EIF4ENIF1: variants seen among roughly 807,000 people sequenced by gnomAD.
The protein encoded by EIF4ENIF1 is eukaryotic translation initiation factor 4E nuclear import factor 1.
Under a neutral mutation model 110.5 loss-of-function variants are expected in EIF4ENIF1, and 23 were observed. The ratio of observed to expected loss-of-function variants is 0.21; its 90% CI spans 0.15 to 0.29. The LOEUF (loss-of-function observed/expected upper bound fraction) is 0.29, where lower values mean the gene tolerates loss of function less well. EIF4ENIF1 is among the 10% of genes least tolerant of loss of function. EIF4ENIF1 has a pLI of 1.00. For synonymous variants in EIF4ENIF1, 440 were observed against 437.0 expected, an observed-to-expected ratio of 1.01 and a Z score of -0.09; for missense variants, 1,031 against 1,221.1, an observed-to-expected ratio of 0.84 and a Z score of 2.32.
chr22:31,440,152 G>T, intron 18 of EIF4ENIF1, 31 bp from the exon 19 acceptor site: 1 of 1,613,924 alleles, frequency 6.2e-7, no homozygotes. Flanking sequence ...ATCATTCACA[G>T]CATGAGAAGG....
rs563088892 is a variant in EIF4ENIF1, at chr22:31,459,383, A to G, written c.788-733T>C. On this transcript the variant is annotated intron_variant, in intron 6 of 18. Transcript: ENST00000330125. ...CAGGGCTCAGCAACCTAAGGTATTTATGAGAAACCTGGCATGAGGGCAATT... is the reference window on the plus strand; with the variant it reads ...CAGGGCTCAGCAACCTAAGGTATTTGTGAGAAACCTGGCATGAGGGCAATT... 1.3e-4 allele frequency among the ~76,000 whole-genome samples: 20 copies of G among 152,298 alleles called. No homozygotes were observed. The South Asian group carries it at 3.9e-3, about 30-fold the overall frequency.
At chr22:31,485,439 A>ACCTATATAT (rs2051981744) in intron 2 of EIF4ENIF1, among the ~76,000 whole-genome samples, 1 of 152,206 alleles carries the variant, frequency 6.6e-6, no homozygotes, top group Non-Finnish European at 1.5e-5. Context: ...ACAAAGATGA[A>ACCTATATAT]ATATACATGT....
At chr22:31,461,426 C>G (rs2050990244) in intron 6 of EIF4ENIF1, among the ~76,000 whole-genome samples, 2 of 152,084 alleles carry the variant, frequency 1.3e-5, no homozygotes, top group South Asian at 4.2e-4. Flanking sequence ...CATCTTACAG[C>G]TGAGGAAACT....
chr22:31,464,719 TATATATA>T lies in EIF4ENIF1; in HGVS notation c.299-759_299-753del, dbSNP rs1569088903. ...AAAAAAATATATATATATATATATA[TATATATA>T]AACAGATATATACAAAAATTAATTC... On this transcript the variant is annotated intron_variant, in intron 4 of 18. Transcript: ENST00000330125. 1.6e-4 allele frequency among the ~76,000 whole-genome samples: 15 copies of T among 96,762 alleles called. 1 individual carries two copies. Among genetic ancestry groups the T allele is most frequent in the Middle Eastern group, 0.012 (2 of 166 alleles). The allele number at this position is 96,762 out of a possible 152,430, so 63.5% of individuals were successfully genotyped here.
Position 31,442,059 on chromosome 22 carries a change from T to C in EIF4ENIF1, c.2266A>G (p.Asn756Asp), listed in dbSNP as rs775203455. 1.6e-5 allele frequency: 26 copies of C among 1,614,148 alleles called. No individual in the cohort carries two copies. Among genetic ancestry groups the C allele is most frequent in the Non-Finnish European group, 2.1e-5 (25 of 1,180,042 alleles). Reference protein sequence around the residue: ...SADRDSSPTTNSKLSALQRSS... With the variant: ...SADRDSSPTTDSKLSALQRSS... ...CTCTGTAATGCTGACAGTTTGGAAT[T>C]TGTAGTGGGAGAAGAGTCTCGATCG... Residue 756 changes from asparagine to aspartate, a missense_variant, in exon 17 of 19, where the codon AAT (asparagine) becomes GAT (aspartate). Around this residue, in one of 3 missense-constraint regions of EIF4ENIF1, gnomAD observed 309 missense variants for 299.1 expected, o/e 1.03. Transcript: ENST00000330125.
In EIF4ENIF1 at chr22:31,463,808, C is replaced by A; in HGVS notation, c.458G>T (p.Arg153Leu). 1 of 1,614,074 alleles carries A rather than the reference C, an allele frequency of 6.2e-7. No homozygotes were observed. Among genetic ancestry groups the A allele is most frequent in the Non-Finnish European group, 8.5e-7 (1 of 1,180,024 alleles). Residue 153 changes from arginine (R) to leucine (L), a missense_variant, in exon 5 of 19, where the codon CGT becomes CTT. Arg to Leu is a moderately radical substitution (Grantham distance 102). Transcript: ENST00000330125. ...DSDGLRLLGG[R>L]RIGSGRIISA... ...GATTATCCTCCCACTGCCAATCCTA[C>A]GTCCACCAAGCAGACGAAGCCCATC...
upstream of EIF4ENIF1, among the ~76,000 whole-genome samples, chr22:31,490,112 C>T (rs576848886): frequency 5.3e-5 from 8 of 152,306 alleles, no homozygotes; most frequent in African/African-American, 1.9e-4. Context: ...CCGTGGGCAG[C>T]CCAGAGGCCA....
Position 31,447,097 on chromosome 22 carries a change from T to G in EIF4ENIF1, c.1988+329A>C, listed in dbSNP as rs1372293326. ...AGAAACATCCTAAGATTTTAAAATA[T>G]ATTTACTCATAACAATCTTGTGAGG... On this transcript the variant is annotated intron_variant, in intron 14 of 18. Transcript: ENST00000330125. The G allele has an allele frequency of 6.7e-5, 28 of 415,452 alleles. 1 individual carries two copies. The highest frequency in any genetic ancestry group is 3.4e-4 in the South Asian group (18 of 52,714). The allele number at this position is 415,452 out of a possible 1,614,324, so 25.7% of individuals were successfully genotyped here. A position where few individuals can be genotyped will look rare whatever the true frequency, so the allele number is the denominator to read the frequency against.
chr22:31,464,263 G>C, intron 4 of EIF4ENIF1: 1 of 302,800 alleles, frequency 3.3e-6, no homozygotes, highest in Non-Finnish European at 6.0e-6. Flanking sequence ...ATTAGCAAAT[G>C]TTTTGTCAAC....
At chr22:31,438,791 C>G (rs2050211491), downstream of EIF4ENIF1, among the ~76,000 whole-genome samples, 1 of 151,882 alleles carries the variant, frequency 6.6e-6, no homozygotes, top group Non-Finnish European at 1.5e-5. Context: ...GGCGTGATCT[C>G]AGCTCACTGC....
chr22:31,492,577 G>A (rs951458331), upstream of EIF4ENIF1, among the ~76,000 whole-genome samples: 1 of 152,150 alleles, frequency 6.6e-6, no homozygotes, highest in Non-Finnish European at 1.5e-5. Flanking sequence ...TATAGAAGAA[G>A]ATGGTTATTA....
At chr22:31,444,559 A>G (rs771973840) in intron 15 of EIF4ENIF1, 47 bp downstream of exon 15, 1 of 1,582,390 alleles carries the variant, frequency 6.3e-7, no homozygotes, top group Non-Finnish European at 8.7e-7. Context: ...GCACAACCAA[A>G]CAGGGAGAAG....
At chr22:31,468,814 C>T (rs2051274976) in intron 3 of EIF4ENIF1, among the ~76,000 whole-genome samples, 1 of 152,210 alleles carries the variant, frequency 6.6e-6, no homozygotes, top group Non-Finnish European at 1.5e-5. Flanking sequence ...ACAACACCAA[C>T]AGTCACTTGA....
At chr22:31,464,439 G>A (rs899613319) in intron 4 of EIF4ENIF1, among the ~76,000 whole-genome samples, 2 of 151,558 alleles carry the variant, frequency 1.3e-5, no homozygotes, top group African/African-American at 4.8e-5. Context: ...CAGTACTTTG[G>A]GACGTCAAGG....
intron 6 of EIF4ENIF1, among the ~76,000 whole-genome samples, chr22:31,461,029 T>C (rs530744231): frequency 6.6e-6 from 1 of 152,324 alleles, no homozygotes; most frequent in South Asian, 2.1e-4. Flanking sequence ...CAACTAAGCC[T>C]GAAAGCTTGA....
intron 2 of EIF4ENIF1, among the ~76,000 whole-genome samples, chr22:31,480,987 T>C (rs1236299328): frequency 6.6e-6 from 1 of 152,064 alleles, no homozygotes; most frequent in Non-Finnish European, 1.5e-5. Context: ...CACTTCAACC[T>C]GGGAGGTGGA....
In EIF4ENIF1 at chr22:31,463,123, C is replaced by T; in HGVS notation, c.596G>A (p.Gly199Glu). 6.2e-7 allele frequency: 1 copy of T among 1,613,518 alleles called. No individual in the cohort carries two copies. Among genetic ancestry groups the T allele is most frequent in the Non-Finnish European group, 8.5e-7 (1 of 1,179,908 alleles). ...CTCACCAAAGACACGCTTACTATCT[C>T]CAAACTCTCTCTGGAAAAGTACATA... The part of the protein sequence containing the change: ...FKDKRFRREF[G>E]DSKRVFGERR... The change falls in exon 6 of 19, where the codon GGA becomes GAA. Residue 199 changes from glycine (G) to glutamate (E), a missense_variant. Around this residue, in one of 3 missense-constraint regions of EIF4ENIF1, gnomAD observed 704 missense variants for 879.7 expected, o/e 0.80. Transcript: ENST00000330125.
intron 2 of EIF4ENIF1, among the ~76,000 whole-genome samples, chr22:31,487,617 C>T (rs1216338968): frequency 6.6e-6 from 1 of 151,892 alleles, no homozygotes; most frequent in African/African-American, 2.4e-5. Flanking sequence ...TGGCGAATTC[C>T]CATCTCTATA....
intron 4 of EIF4ENIF1, among the ~76,000 whole-genome samples, chr22:31,466,804 A>G (rs1569091105): frequency 1.3e-5 from 2 of 152,122 alleles, no homozygotes; most frequent in Non-Finnish European, 2.9e-5. Context: ...ATTCTATCTC[A>G]ATAAATTTAT....
Sources: gnomAD v4.1 joint callset for allele counts (sites outside exome capture counted in the v4.1 genomes callset) on GRCh38, gnomAD v4.1.1 for gene constraint, gnomAD v4.1.1 regional missense constraint, MANE v1.5 for transcripts, NCBI Gene and HGNC (gene_info 2026-07-23, HGNC 2026-07-21) for gene names.